Variants in BMAL2 observed in about 807,000 individuals in gnomAD.
BMAL2 encodes the protein basic helix-loop-helix ARNT like 2.
At chr12:27,379,053 A>C in the BMAL2 span, among the ~76,000 whole-genome samples, 1 of 152,130 alleles carries the variant, frequency 6.6e-6, no homozygotes, top group Non-Finnish European at 1.5e-5. Context: ...AAATCTCATA[A>C]TGTTTTTGGA....
At chr12:27,402,673 A>G in the BMAL2 span, 2 of 1,610,544 alleles carry the variant, frequency 1.2e-6, no homozygotes, top group African/African-American at 2.7e-5. Context: ...CTCAATCATC[A>G]GAAGGTAAGC....
chr12:27,381,152 G>GT, the BMAL2 span, among the ~76,000 whole-genome samples: 4 of 152,084 alleles, frequency 2.6e-5, no homozygotes, highest in Non-Finnish European at 4.4e-5. Context: ...CCTCAAATAT[G>GT]TGAGACACTG....
At chr12:27,370,522 T>C in the BMAL2 span, among the ~76,000 whole-genome samples, 1 of 152,222 alleles carries the variant, frequency 6.6e-6, no homozygotes, top group Non-Finnish European at 1.5e-5. Context: ...GTGCTGGATC[T>C]TTTTAAAAAG....
At chr12:27,346,258 G>GT in the BMAL2 span, among the ~76,000 whole-genome samples, 1 of 151,820 alleles carries the variant, frequency 6.6e-6, no homozygotes, top group African/African-American at 2.4e-5. Context: ...CCTTTGTTTT[G>GT]TTTGTTTGTT....
At chr12:27,358,384 A>C in the BMAL2 span, among the ~76,000 whole-genome samples, 6 of 152,342 alleles carry the variant, frequency 3.9e-5, no homozygotes, top group East Asian at 9.6e-4. Flanking sequence ...TCAAAAAATC[A>C]AAAAATAATA....
chr12:27,355,908 C>G, the BMAL2 span, among the ~76,000 whole-genome samples: 1 of 152,196 alleles, frequency 6.6e-6, no homozygotes, highest in Non-Finnish European at 1.5e-5. Flanking sequence ...CCTTCGCTCC[C>G]CTAAGATGAA....
the BMAL2 span, among the ~76,000 whole-genome samples, chr12:27,355,771 A>G: frequency 6.6e-6 from 1 of 152,218 alleles, no homozygotes; most frequent in Non-Finnish European, 1.5e-5. Context: ...AATTCACAGA[A>G]ACTAACAGTC....
At chr12:27,367,244 T>A in the BMAL2 span, among the ~76,000 whole-genome samples, 6 of 146,108 alleles carry the variant, frequency 4.1e-5, no homozygotes, top group Non-Finnish European at 8.9e-5. Flanking sequence ...AACCAGCTAC[T>A]AAGTGACTCG....
chr12:27,358,144 C>T, the BMAL2 span, among the ~76,000 whole-genome samples: 1 of 152,042 alleles, frequency 6.6e-6, no homozygotes, highest in Admixed American at 6.6e-5. Context: ...TCTTCGCTAT[C>T]TATACATCTG....
At chr12:27,406,137 G>A in the BMAL2 span, among the ~76,000 whole-genome samples, 17 of 152,182 alleles carry the variant, frequency 1.1e-4, no homozygotes, top group Non-Finnish European at 2.4e-4. Flanking sequence ...TGAAAGTGAC[G>A]GGGAGGATGG....
At chr12:27,420,019 G>GCGCGCGCACACACACACACA in the BMAL2 span, among the ~76,000 whole-genome samples, 21 of 147,478 alleles carry the variant, frequency 1.4e-4, no homozygotes, top group African/African-American at 5.0e-4. Flanking sequence ...GTTTGCGCGT[G>GCGCGCGCACACACACACACA]CACACACACA....
chr12:27,370,110 A>G, the BMAL2 span: 1 of 1,595,804 alleles, frequency 6.3e-7, no homozygotes, highest in Non-Finnish European at 8.6e-7. Context: ...GGGGTGACCC[A>G]AGGCCTCCTT....
chr12:27,348,453 GA>G, the BMAL2 span, among the ~76,000 whole-genome samples: 11 of 151,362 alleles, frequency 7.3e-5, no homozygotes, highest in African/African-American at 2.7e-4. Flanking sequence ...AAACTTAACA[GA>G]AAAAAAGGTA....
the BMAL2 span, among the ~76,000 whole-genome samples, chr12:27,367,971 A>ATCT: frequency 6.6e-6 from 1 of 151,728 alleles, no homozygotes; most frequent in South Asian, 2.1e-4. Context: ...CAGCCACCCA[A>ATCT]GTAGCTGGGA....
At chr12:27,336,947 C>CAAAAAAAAAAAAAAAAAAAAAAAA in the BMAL2 span, among the ~76,000 whole-genome samples, 1 of 73,822 alleles carries the variant, frequency 1.4e-5, no homozygotes, top group Non-Finnish European at 2.7e-5. Flanking sequence ...GAGACTGTCT[C>CAAAAAAAAAAAAAAAAAAAAAAAA]AAAAAAAAAA....
chr12:27,343,894 T>C, the BMAL2 span, among the ~76,000 whole-genome samples: 1 of 152,262 alleles, frequency 6.6e-6, no homozygotes, highest in African/African-American at 2.4e-5. Context: ...GACTCCAGTT[T>C]CCTTATAGTC....
the BMAL2 span, among the ~76,000 whole-genome samples, chr12:27,358,879 G>A: frequency 2.2e-4 from 33 of 151,752 alleles, no homozygotes; most frequent in Middle Eastern, 3.4e-3. Flanking sequence ...TCTCTGTTGC[G>A]CAAATTTTTT....
At chr12:27,423,997 A>G in the BMAL2 span, 2 of 152,240 alleles carry the variant, frequency 1.3e-5, no homozygotes, top group African/African-American at 4.8e-5. Flanking sequence ...AGTATTACCA[A>G]AAGAATGTAA....
At chr12:27,403,768 T>C in the BMAL2 span, among the ~76,000 whole-genome samples, 1 of 152,104 alleles carries the variant, frequency 6.6e-6, no homozygotes, top group African/African-American at 2.4e-5. Flanking sequence ...AGATAACTCA[T>C]ATAACTTCAG....
Sources: gnomAD v4.1 joint callset for allele counts (sites outside exome capture counted in the v4.1 genomes callset) on GRCh38, gnomAD v4.1.1 for gene constraint, MANE v1.5 for transcripts, NCBI Gene and HGNC (gene_info 2026-07-23, HGNC 2026-07-21) for gene names.